Variants in NFATC3 observed in about 807,000 individuals in gnomAD.
The protein encoded by NFATC3 is nuclear factor of activated T-cells, cytoplasmic 3.
NFATC3 carries 46 observed loss-of-function variants against 98.6 expected under a neutral mutation model. The observed-to-expected ratio is 0.47, with a 90% CI of 0.37 to 0.60. The LOEUF (loss-of-function observed/expected upper bound fraction) is 0.60, where lower values mean the gene tolerates loss of function less well. NFATC3 is among the 20% of genes least tolerant of loss of function. The pLI is 0.00. For missense variants in NFATC3, 1,256 were observed against 1,295.5 expected (o/e 0.97, Z 0.47); for synonymous variants, 512 against 472.2 (o/e 1.08, Z -1.09).
At chr16:68,121,489 A>G (rs1171023221) in intron 1 of NFATC3, among the ~76,000 whole-genome samples, 1 of 151,634 alleles carries the variant, frequency 6.6e-6, no homozygotes, top group Non-Finnish European at 1.5e-5. Context: ...GCAACAAAGC[A>G]AGGCCCTGTG....
intron 1 of NFATC3, among the ~76,000 whole-genome samples, chr16:68,112,787 AT>A (rs1170287664): frequency 6.7e-4 from 90 of 134,942 alleles, no homozygotes; most frequent in East Asian, 1.7e-3. Flanking sequence ...GCCTCCCGAC[AT>A]TTTTTTTTTT....
chr16:68,085,636 C>A lies in NFATC3; in HGVS notation c.-46C>A. On this transcript the variant is annotated 5_prime_UTR_variant, in exon 1 of 10. Coordinates refer to ENST00000346183, the MANE Select transcript of NFATC3 (RefSeq NM_173165.3). ...AGCTGCTGCCGCCGCTTGCCGCTGCCGCCGCCGCCGCCTGAGGAGGAGCTG... is the reference window on the plus strand; with the variant it reads ...AGCTGCTGCCGCCGCTTGCCGCTGCAGCCGCCGCCGCCTGAGGAGGAGCTG... 1 of 1,356,230 alleles carries A rather than the reference C, an allele frequency of 7.4e-7. No individual in the cohort carries two copies. Among genetic ancestry groups the A allele is most frequent in the Non-Finnish European group, 9.8e-7 (1 of 1,020,724 alleles). The allele number at this position is 1,356,230 out of a possible 1,614,324, so 84.0% of individuals were successfully genotyped here.
Position 68,167,034 on chromosome 16 carries a change from A to C in NFATC3, c.1774+19A>C. 6.2e-7 allele frequency: 1 copy of C among 1,601,818 alleles called. No homozygotes were observed. Among genetic ancestry groups the C allele is most frequent in the Non-Finnish European group, 8.5e-7 (1 of 1,173,018 alleles). On this transcript the variant is annotated intron_variant, in intron 5 of 9. Transcript: ENST00000346183. ...GAGTGCTGTAAGTGAGCTTGTGATGATGTTTTAAGATCTTGTGTATAATAG... is the reference window on the plus strand; with the variant it reads ...GAGTGCTGTAAGTGAGCTTGTGATGCTGTTTTAAGATCTTGTGTATAATAG...
At chr16:68,124,338 C>T (rs1418636133) in intron 2 of NFATC3, among the ~76,000 whole-genome samples, 1 of 151,922 alleles carries the variant, frequency 6.6e-6, no homozygotes. Flanking sequence ...TGATCTCACT[C>T]CTGGCCTCAA....
intron 9 of NFATC3, among the ~76,000 whole-genome samples, chr16:68,203,785 T>A (rs995648829): frequency 1.3e-5 from 2 of 152,128 alleles, no homozygotes; most frequent in African/African-American, 4.8e-5. Context: ...GCGCGGTGGC[T>A]CGTGCCTGTA....
At chr16:68,134,360 G>A (rs933578012) in intron 3 of NFATC3, among the ~76,000 whole-genome samples, 6 of 152,066 alleles carry the variant, frequency 3.9e-5, no homozygotes, top group Non-Finnish European at 7.4e-5. Context: ...ACAGGGCCTC[G>A]CTATGTTACC....
chr16:68,180,399 C>G (rs1441979568), intron 6 of NFATC3, among the ~76,000 whole-genome samples: 1 of 152,102 alleles, frequency 6.6e-6, no homozygotes, highest in East Asian at 1.9e-4. Context: ...GAATGAGTTA[C>G]CTGGTGAGGA....
At chr16:68,163,289 G>A (rs994511336) in intron 4 of NFATC3, among the ~76,000 whole-genome samples, 3 of 151,820 alleles carry the variant, frequency 2.0e-5, no homozygotes, top group African/African-American at 7.3e-5. Flanking sequence ...GGGCAGAGGG[G>A]CTCCTCACTT....
chr16:68,093,502 T>G (rs1297721250), intron 1 of NFATC3, among the ~76,000 whole-genome samples: 1 of 152,200 alleles, frequency 6.6e-6, no homozygotes, highest in Admixed American at 6.5e-5. Flanking sequence ...CATTTCCTTC[T>G]TGTGGATTAA....
At chr16:68,143,636 G>C (rs1341216524) in intron 3 of NFATC3, among the ~76,000 whole-genome samples, 1 of 152,168 alleles carries the variant, frequency 6.6e-6, no homozygotes, top group Non-Finnish European at 1.5e-5. Flanking sequence ...ATGACCTGAG[G>C]TCAGGAGTTA....
chr16:68,117,470 C>T (rs2036341729), intron 1 of NFATC3, among the ~76,000 whole-genome samples: 1 of 152,138 alleles, frequency 6.6e-6, no homozygotes, highest in African/African-American at 2.4e-5. Flanking sequence ...CCTCCTTACT[C>T]AGGAGTAACA....
intron 9 of NFATC3, chr16:68,217,822 A>T: frequency 8.1e-7 from 1 of 1,231,286 alleles, no homozygotes; most frequent in Non-Finnish European, 1.0e-6. Context: ...AGATACGTAC[A>T]TCGCTTTTGC....
chr16:68,122,661 G>C lies in NFATC3; in HGVS notation c.778G>C (p.Ala260Pro), dbSNP rs1038354690. The C allele has an allele frequency of 8.1e-6, 13 of 1,614,132 alleles. No homozygotes were observed. The highest frequency in any genetic ancestry group is 1.1e-5 in the South Asian group (1 of 91,074). ...TGAGAATTGGCTGAGCCCCAGGCCA[G>C]CCTCAGGACCCTCATCAAGGCCCAC... ...TDENWLSPRP[A>P]SGPSSRPTSP... is the part of the protein sequence containing the mutation. Residue 260 changes from alanine to proline, a missense_variant, in exon 2 of 10, where the codon GCC becomes CCC. Ala to Pro is a conservative substitution (Grantham distance 27, BLOSUM62 -1). Coordinates refer to ENST00000346183, the MANE Select transcript of NFATC3 (RefSeq NM_173165.3).
chr16:68,195,249 C>T (rs2040613766), intron 9 of NFATC3, among the ~76,000 whole-genome samples: 2 of 152,086 alleles, frequency 1.3e-5, no homozygotes, highest in South Asian at 4.1e-4. Flanking sequence ...GAACGATACT[C>T]TGTCTCAAAA....
chr16:68,104,653 G>GTTTTTTTTTTTTTTTT (rs778016298), intron 1 of NFATC3, among the ~76,000 whole-genome samples: 8 of 126,690 alleles, frequency 6.3e-5, no homozygotes, highest in African/African-American at 2.2e-4. Flanking sequence ...TTCACAAATG[G>GTTTTTTTTTTTTTTTT]TTTTTTTTTT....
intron 9 of NFATC3, among the ~76,000 whole-genome samples, chr16:68,203,422 G>T (rs553383133): frequency 6.6e-6 from 1 of 151,164 alleles, no homozygotes. Flanking sequence ...GCTTGAGCTC[G>T]GGAGTTTGAG....
At chr16:68,173,472 C>T (rs898628139) in intron 5 of NFATC3, among the ~76,000 whole-genome samples, 12 of 152,156 alleles carry the variant, frequency 7.9e-5, no homozygotes, top group Admixed American at 7.9e-4. Flanking sequence ...GAGACTGAGG[C>T]AGGAGAATCA....
At position 68,112,845 on chromosome 16, in the gene NFATC3, G is replaced by C. The variant is rs183134563; in HGVS notation, c.104-9142G>C. ...CTTATTTTAGCAAGATAGTCTTCAA[G>C]CTCTGATATCCTTTCCTCTGCCTGG... On this transcript the variant is annotated intron_variant, in intron 1 of 9. Coordinates refer to ENST00000346183, the MANE Select transcript of NFATC3 (RefSeq NM_173165.3). Among the ~76,000 whole-genome samples the C allele has an allele frequency of 2.0e-5, 3 of 151,286 alleles. No individual in the cohort carries two copies. The East Asian group carries it at 5.8e-4, about 29-fold the overall frequency.
intron 8 of NFATC3, among the ~76,000 whole-genome samples, chr16:68,188,150 C>T (rs1214862907): frequency 3.3e-5 from 5 of 152,144 alleles, no homozygotes; most frequent in African/African-American, 4.8e-5. Flanking sequence ...GCCTCAACCT[C>T]GCTCCAAGAT....
Sources: allele counts gnomAD v4.1 joint callset (sites outside exome capture counted in the v4.1 genomes callset), GRCh38; gene constraint gnomAD v4.1.1; transcripts MANE v1.5; gene names NCBI Gene and HGNC (gene_info 2026-07-23, HGNC 2026-07-21).